Variants in MAGI1 observed in about 807,000 individuals in gnomAD.
MAGI1 encodes membrane-associated guanylate kinase, WW and PDZ domain-containing protein 1.
MAGI1 carries 58 observed loss-of-function variants against 139.9 expected under a neutral mutation model. That is an observed-to-expected ratio of 0.41 (90% confidence interval 0.34 to 0.52). The LOEUF is 0.52. MAGI1 is among the 20% of genes least tolerant of loss of function. The probability of loss-of-function intolerance (pLI) is 0.12; values close to 1 mark genes in which losing one functional copy is unlikely to be tolerated. For synonymous variants in MAGI1, 812 were observed against 737.9 expected, an observed-to-expected ratio of 1.10 and a Z score of -1.63; for missense variants, 1,874 against 1,901.6, an observed-to-expected ratio of 0.99 and a Z score of 0.27.
intron 7 of MAGI1, among the ~76,000 whole-genome samples, chr3:65,447,442 G>T (rs1948744782): frequency 6.6e-6 from 1 of 152,166 alleles, no homozygotes; most frequent in South Asian, 2.1e-4. Context: ...TACAGATGCT[G>T]CATCACTATA....
intron 1 of MAGI1, among the ~76,000 whole-genome samples, chr3:65,636,460 T>C (rs1014461677): frequency 2.0e-5 from 3 of 152,158 alleles, no homozygotes; most frequent in African/African-American, 7.2e-5. Flanking sequence ...TTATAAATAA[T>C]GGGGCTATAA....
intron 1 of MAGI1, among the ~76,000 whole-genome samples, chr3:65,672,618 T>C (rs2086932134): frequency 6.6e-6 from 1 of 152,144 alleles, no homozygotes; most frequent in South Asian, 2.1e-4. Context: ...GAAGGGTGTC[T>C]GTAAGGCACG....
intron 3 of MAGI1, among the ~76,000 whole-genome samples, chr3:65,480,547 AT>A (rs1163807007): frequency 7.4e-5 from 11 of 149,194 alleles, no homozygotes; most frequent in African/African-American, 2.7e-4. Flanking sequence ...AAAAAAAAAA[AT>A]TGCTTCTATC....
At chr3:65,784,491 G>A (rs1199532615) in intron 1 of MAGI1, among the ~76,000 whole-genome samples, 1 of 152,174 alleles carries the variant, frequency 6.6e-6, no homozygotes, top group Non-Finnish European at 1.5e-5. Context: ...GCCGAGGCAG[G>A]CGAATCACGA....
intron 1 of MAGI1, among the ~76,000 whole-genome samples, chr3:65,628,006 A>G (rs2084078369): frequency 6.6e-6 from 1 of 152,164 alleles, no homozygotes; most frequent in African/African-American, 2.4e-5. Context: ...AAATTAAGCT[A>G]TTTCCAATAT....
At chr3:65,686,370 C>A (rs941849126) in intron 1 of MAGI1, among the ~76,000 whole-genome samples, 2 of 152,122 alleles carry the variant, frequency 1.3e-5, no homozygotes, top group Non-Finnish European at 2.9e-5. Context: ...CGGCTCACTG[C>A]AACTTCCGCC....
chr3:65,491,481 C>G (rs1415827103), intron 3 of MAGI1, among the ~76,000 whole-genome samples: 1 of 152,128 alleles, frequency 6.6e-6, no homozygotes, highest in Non-Finnish European at 1.5e-5. Flanking sequence ...TGTACAACCA[C>G]TCCCACCCCA....
chr3:65,470,655 A>T (rs191414433), intron 4 of MAGI1, among the ~76,000 whole-genome samples, 171 bp from the exon 5 acceptor site: 98 of 152,312 alleles, frequency 6.4e-4, no homozygotes, highest in Non-Finnish European at 1.1e-3. Flanking sequence ...TTTCATTTAG[A>T]TGTCTGTGCC....
At chr3:65,611,219 CTATATACTATAG>C (rs1185189873) in intron 2 of MAGI1, among the ~76,000 whole-genome samples, 3 of 139,134 alleles carry the variant, frequency 2.2e-5, no homozygotes, top group African/African-American at 5.2e-5. Context: ...ACGTGTAGTA[CTATATACTATAG>C]TATATACTAT....
At chr3:65,608,445 C>A (rs1404079162) in intron 2 of MAGI1, among the ~76,000 whole-genome samples, 5 of 151,134 alleles carry the variant, frequency 3.3e-5, no homozygotes, top group South Asian at 4.2e-4. Flanking sequence ...CAAAAAAAAA[C>A]AAAAACAAAA....
chr3:65,754,958 A>AT (rs11352075), intron 1 of MAGI1, among the ~76,000 whole-genome samples: 4,164 of 148,070 alleles, frequency 0.028, 116 homozygotes, highest in African/African-American at 0.074. Flanking sequence ...TATTTTTTAA[A>AT]TTTTTTTTTT....
chr3:65,416,748 A>T (rs1946248472), intron 12 of MAGI1, among the ~76,000 whole-genome samples: 1 of 152,234 alleles, frequency 6.6e-6, no homozygotes, highest in African/African-American at 2.4e-5. Flanking sequence ...TGCCAGTGGA[A>T]TCATATTACT....
intron 2 of MAGI1, among the ~76,000 whole-genome samples, chr3:65,520,182 A>G (rs1002566170): frequency 6.6e-6 from 1 of 152,208 alleles, no homozygotes; most frequent in African/African-American, 2.4e-5. Context: ...TAGTCAAATT[A>G]CAGATTCATA....
chr3:65,484,832 A>G (rs62255277), intron 3 of MAGI1, among the ~76,000 whole-genome samples: 19,077 of 152,146 alleles, frequency 0.13, 1,416 homozygotes, highest in Middle Eastern at 0.17. Flanking sequence ...ATCAGTTCTT[A>G]TATGTTCTCA....
chr3:65,431,358 C>G (rs1023046857), intron 10 of MAGI1, among the ~76,000 whole-genome samples: 1 of 152,106 alleles, frequency 6.6e-6, no homozygotes, highest in African/African-American at 2.4e-5. Flanking sequence ...TGAAAATGCA[C>G]AGATAATACC....
intron 1 of MAGI1, among the ~76,000 whole-genome samples, chr3:65,661,422 G>T (rs2086181446): frequency 6.6e-6 from 1 of 152,116 alleles, no homozygotes; most frequent in Non-Finnish European, 1.5e-5. Context: ...ATGGCATCTT[G>T]GTTTTCAGAG....
At chr3:65,969,480 T>C (rs548300935) in intron 1 of MAGI1, among the ~76,000 whole-genome samples, 12 of 152,246 alleles carry the variant, frequency 7.9e-5, no homozygotes, top group South Asian at 2.1e-4. Context: ...GGGGATAAAA[T>C]TGCCACTGAC....
In MAGI1 at chr3:65,621,982, A is replaced by G. The variant is rs748002247; in HGVS notation, c.420T>C (p.His140=). ...QQTIRDNLYR[H]AVPCTTRSPR... ...AGTCCAACTACTTACAAGGCACAGC[A>G]TGGCGGTAAAGGTTATCCCTTATGG... Residue 140 remains histidine, a synonymous_variant, in exon 2 of 23, where the codon CAT becomes CAC. Transcript: ENST00000402939. The G allele has an allele frequency of 1.9e-6, 3 of 1,610,822 alleles. No individual in the cohort carries two copies. The highest frequency in any genetic ancestry group is 2.7e-5 in the African/African-American group (2 of 74,694).
At chr3:65,718,372 G>A (rs1295214056) in intron 1 of MAGI1, 1 of 152,118 alleles carries the variant, frequency 6.6e-6, no homozygotes, top group Non-Finnish European at 1.5e-5. Flanking sequence ...TTTCCAGCAC[G>A]AGATGGAGAT....
Sources: gnomAD v4.1 joint callset for allele counts (sites outside exome capture counted in the v4.1 genomes callset) on GRCh38, gnomAD v4.1.1 for gene constraint, MANE v1.5 for transcripts, NCBI Gene and HGNC (gene_info 2026-07-23, HGNC 2026-07-21) for gene names.